CHCHD6: variants seen among roughly 807,000 people sequenced by gnomAD.
CHCHD6 encodes the protein MICOS complex subunit MIC25.
CHCHD6 carries 28 observed loss-of-function variants against 32.3 expected under a neutral mutation model. The ratio of observed to expected loss-of-function variants is 0.87; its 90% CI spans 0.64 to 1.19. CHCHD6 has a LOEUF of 1.19. CHCHD6 is among the 50% of genes most tolerant of loss of function. The pLI, the probability that CHCHD6 is intolerant of heterozygous loss-of-function variation, is 0.00. For synonymous variants in CHCHD6, 122 were observed against 117.5 expected (o/e 1.04, Z -0.25); for missense variants, 333 against 307.0 (o/e 1.08, Z -0.63).
At chr3:126,866,364 G>A (rs1435523554) in intron 5 of CHCHD6, among the ~76,000 whole-genome samples, 3 of 152,144 alleles carry the variant, frequency 2.0e-5, no homozygotes, top group African/African-American at 7.2e-5. Context: ...AGTAATCACT[G>A]ACTTTGCCTG....
In CHCHD6 at chr3:126,730,581, G is replaced by A. The variant is rs1935747678; in HGVS notation, c.217G>A (p.Gly73Arg). The change falls in exon 3 of 8, where the codon GGG (glycine) becomes AGG (arginine). Residue 73 changes from glycine to arginine, a missense_variant. By Grantham distance (125) the Gly-to-Arg change is moderately radical (BLOSUM62 -2). Transcript: ENST00000290913. ...PHKESTLPRS[G>R]SSGGQQPSGM... is the part of the protein sequence containing the mutation. ...TGCAGAATCCACACTGCCCAGGTCGGGGAGCAGTGGTGGCCAGCAGCCCTC... is the reference window on the plus strand; with the variant it reads ...TGCAGAATCCACACTGCCCAGGTCGAGGAGCAGTGGTGGCCAGCAGCCCTC... 9.3e-6 allele frequency: 15 copies of A among 1,613,722 alleles called. No individual in the cohort carries two copies. Among genetic ancestry groups the A allele is most frequent in the Non-Finnish European group, 1.3e-5 (15 of 1,179,896 alleles).
intron 5 of CHCHD6, among the ~76,000 whole-genome samples, chr3:126,863,293 A>ACCTCCT (rs1204625102): frequency 9.4e-6 from 1 of 106,160 alleles, no homozygotes; most frequent in Non-Finnish European, 1.9e-5. Flanking sequence ...CATCATCACC[A>ACCTCCT]CCTCCTCCTC....
intron 5 of CHCHD6, among the ~76,000 whole-genome samples, chr3:126,875,918 C>T (rs1327791106): frequency 1.3e-5 from 2 of 152,176 alleles, no homozygotes; most frequent in African/African-American, 4.8e-5. Context: ...TATGGATCAT[C>T]TCATTGTCTC....
chr3:126,785,719 A>G lies in CHCHD6; in HGVS notation c.411+52497A>G, dbSNP rs541666866. The stretch of plus-strand genomic sequence containing the variant: ...CATTTCCAGATTTTTTCATCATTGC[A>G]GACTCTATCCATTAAATAATAACTG... On this transcript the variant is annotated intron_variant, in intron 4 of 7. Transcript: ENST00000290913. Among the ~76,000 whole-genome samples the G allele has an allele frequency of 1.4e-3, 208 of 152,310 alleles. 1 individual carries two copies. Among genetic ancestry groups the G allele is most frequent in the Non-Finnish European group, 2.4e-3 (162 of 68,032 alleles).
At chr3:126,758,869 T>C (rs1181520350) in intron 4 of CHCHD6, among the ~76,000 whole-genome samples, 3 of 152,230 alleles carry the variant, frequency 2.0e-5, no homozygotes, top group Non-Finnish European at 4.4e-5. Context: ...GCGTCACTTA[T>C]GTTGTAATAG....
chr3:126,829,744 G>A (rs1036981917), intron 4 of CHCHD6, among the ~76,000 whole-genome samples: 3 of 152,160 alleles, frequency 2.0e-5, no homozygotes, highest in Admixed American at 2.0e-4. Context: ...GCCCTTACCA[G>A]ACATCAAATC....
At chr3:126,909,937 G>A (rs2078062590) in intron 5 of CHCHD6, among the ~76,000 whole-genome samples, 1 of 152,184 alleles carries the variant, frequency 6.6e-6, no homozygotes, top group Admixed American at 6.5e-5. Context: ...CCTAGCCGGG[G>A]AGAGCTGGAT....
intron 6 of CHCHD6, among the ~76,000 whole-genome samples, chr3:126,952,360 C>A (rs146476369): frequency 4.6e-5 from 7 of 152,326 alleles, no homozygotes; most frequent in Admixed American, 2.0e-4. Flanking sequence ...GGGCTAGCCA[C>A]ATCTGGTCCA....
At chr3:126,878,514 G>C (rs1255676545) in intron 5 of CHCHD6, among the ~76,000 whole-genome samples, 1 of 152,214 alleles carries the variant, frequency 6.6e-6, no homozygotes, top group East Asian at 1.9e-4. Context: ...GACAGAAATG[G>C]ATTAGAACAC....
intron 6 of CHCHD6, among the ~76,000 whole-genome samples, chr3:126,919,621 AT>A (rs35228420): frequency 0.018 from 2,316 of 127,180 alleles, 29 homozygotes; most frequent in African/African-American, 0.037. Context: ...GCTGGCCTTC[AT>A]TTTTTTTTTT....
At chr3:126,705,297 G>A (rs533188754) in intron 1 of CHCHD6, among the ~76,000 whole-genome samples, 1 of 152,320 alleles carries the variant, frequency 6.6e-6, no homozygotes, top group East Asian at 1.9e-4. Flanking sequence ...TGCGTTTACT[G>A]CTAGAGTGTA....
chr3:126,866,868 C>T (rs1297664182), intron 5 of CHCHD6, among the ~76,000 whole-genome samples: 1 of 152,214 alleles, frequency 6.6e-6, no homozygotes, highest in Admixed American at 6.5e-5. Context: ...TCTTACATAA[C>T]TACAATGTTA....
intron 6 of CHCHD6, among the ~76,000 whole-genome samples, chr3:126,933,251 C>T (rs1361860407): frequency 2.0e-5 from 3 of 152,132 alleles, no homozygotes; most frequent in Admixed American, 6.5e-5. Context: ...CTGTAGGGGT[C>T]GTTTGTTCCC....
At chr3:126,842,641 A>G (rs1292719619) in intron 4 of CHCHD6, among the ~76,000 whole-genome samples, 1 of 152,176 alleles carries the variant, frequency 6.6e-6, no homozygotes, top group Non-Finnish European at 1.5e-5. Flanking sequence ...ATTTAAGTAC[A>G]TTTACCTCAC....
At chr3:126,882,311 C>T (rs1035485414) in intron 5 of CHCHD6, among the ~76,000 whole-genome samples, 11 of 152,196 alleles carry the variant, frequency 7.2e-5, no homozygotes, top group South Asian at 2.1e-4. Context: ...CCTCTGTTCA[C>T]GCATGGAGAT....
rs948381349 is a variant in CHCHD6 at position 126,707,463 on chromosome 3, T to C, written c.87+3064T>C. 2.0e-5 allele frequency among the ~76,000 whole-genome samples: 3 copies of C among 152,198 alleles called. No individual in the cohort carries two copies. In the South Asian group the frequency reaches 6.2e-4, roughly 31 times the overall value. ...TAAAGATTTTGTTTTAACCAGTACATTTAACCTCATCCTTCAGTAAGAGAA... is the reference window on the plus strand; with the variant it reads ...TAAAGATTTTGTTTTAACCAGTACACTTAACCTCATCCTTCAGTAAGAGAA... On this transcript the variant is annotated intron_variant, in intron 1 of 7. Coordinates refer to ENST00000290913, the MANE Select transcript of CHCHD6 (RefSeq NM_032343.3).
rs374397200 is a variant in CHCHD6, at chr3:126,804,008, A to C, written c.412-48639A>C. ...AAGGCAGAAATAAAGATGTTCTTTTAAACCAACGAGAACAAAGACATAACA... is the reference window on the plus strand; with the variant it reads ...AAGGCAGAAATAAAGATGTTCTTTTCAACCAACGAGAACAAAGACATAACA... On this transcript the variant is annotated intron_variant, in intron 4 of 7. Transcript: ENST00000290913. 4.1e-3 allele frequency among the ~76,000 whole-genome samples: 629 copies of C among 152,354 alleles called. 3 individuals are homozygous for C. Among genetic ancestry groups the C allele is most frequent in the Middle Eastern group, 6.8e-3 (2 of 294 alleles).
chr3:126,955,552 C>A (rs1262584300), intron 6 of CHCHD6, among the ~76,000 whole-genome samples: 1 of 152,230 alleles, frequency 6.6e-6, no homozygotes, highest in Non-Finnish European at 1.5e-5. Flanking sequence ...GGAAGGCGTG[C>A]TCTCCCTTCA....
At chr3:126,893,433 G>A (rs769295275) in intron 5 of CHCHD6, among the ~76,000 whole-genome samples, 26 of 152,154 alleles carry the variant, frequency 1.7e-4, no homozygotes, top group Non-Finnish European at 3.5e-4. Context: ...GGGAATTGGC[G>A]GCCTTGCCAC....
Sources: allele counts gnomAD v4.1 joint callset (sites outside exome capture counted in the v4.1 genomes callset), GRCh38; gene constraint gnomAD v4.1.1; transcripts MANE v1.5; gene names NCBI Gene and HGNC (gene_info 2026-07-23, HGNC 2026-07-21).